The following SULF2 variants were observed in gnomAD, a reference collection of about 807,000 sequenced individuals.
SULF2 encodes extracellular sulfatase Sulf-2.
Under a neutral mutation model 107.7 loss-of-function variants are expected in SULF2, and 52 were observed. The ratio of observed to expected loss-of-function variants is 0.48; its 90% CI spans 0.39 to 0.61. The LOEUF (loss-of-function observed/expected upper bound fraction) is 0.61. SULF2 is among the 20% of genes least tolerant of loss of function. The pLI, the probability that SULF2 is intolerant of heterozygous loss-of-function variation, is 0.00. For missense variants in SULF2, 993 were observed against 1,177.3 expected (o/e 0.84, Z 2.29); for synonymous variants, 460 against 464.3 (o/e 0.99, Z 0.12).
chr20:47,761,254 A>C (rs757906185), intron 1 of SULF2, among the ~76,000 whole-genome samples: 1 of 152,142 alleles, frequency 6.6e-6, no homozygotes, highest in East Asian at 1.9e-4. Context: ...TCCTAAGGCC[A>C]CCCAGACAGA....
chr20:47,682,850 T>C (rs1351880514), intron 7 of SULF2, 144 bp downstream of exon 7: 4 of 773,570 alleles, frequency 5.2e-6, no homozygotes, highest in East Asian at 2.6e-5. Flanking sequence ...ATAACATGCA[T>C]GACATAATTG....
chr20:47,674,569 A>C (rs2087579028), intron 10 of SULF2, among the ~76,000 whole-genome samples: 4 of 152,242 alleles, frequency 2.6e-5, no homozygotes, highest in African/African-American at 9.6e-5. Flanking sequence ...GGCTTTGGCA[A>C]TGATGACATG....
rs1430753197 is a variant in SULF2, at chr20:47,666,096, C to T, written c.1806-143G>A. The T allele has an allele frequency of 3.1e-6, 5 of 1,611,202 alleles. No homozygotes were observed. The highest frequency in any genetic ancestry group is 1.7e-5 in the Admixed American group (1 of 59,882). On this transcript the variant is annotated intron_variant, in intron 12 of 20. Coordinates refer to ENST00000688720, the MANE Select transcript of SULF2 (RefSeq NM_001387048.1). This position sits in a 1 kb window ranked among gnomAD's most constrained non-coding sequence, Gnocchi z 5.4. ...TCCACCTGGACACTCACCGATGTGT[C>T]ACTTTAATGGGGTTGGCGGCTGAAT...
intron 3 of SULF2, among the ~76,000 whole-genome samples, chr20:47,704,180 C>G (rs1378314210): frequency 6.6e-6 from 1 of 152,136 alleles, no homozygotes; most frequent in African/African-American, 2.4e-5. Context: ...AGAAAATCAC[C>G]CTAATTCATC....
At chr20:47,725,579 TAGAA>T (rs548476888) in intron 3 of SULF2, among the ~76,000 whole-genome samples, 62 of 152,288 alleles carry the variant, frequency 4.1e-4, no homozygotes, top group African/African-American at 1.3e-3. Flanking sequence ...ACCACCAGCT[TAGAA>T]AGAAGTTTGC....
chr20:47,747,330 T>A (rs2090067019), intron 2 of SULF2, among the ~76,000 whole-genome samples: 1 of 152,182 alleles, frequency 6.6e-6, no homozygotes, highest in Non-Finnish European at 1.5e-5. Context: ...ACTGAGATTC[T>A]ATTAATAAGC....
At chr20:47,740,789 T>G (rs1421128551) in intron 2 of SULF2, among the ~76,000 whole-genome samples, 1 of 152,182 alleles carries the variant, frequency 6.6e-6, no homozygotes, top group Non-Finnish European at 1.5e-5. Context: ...TGACATCCCT[T>G]GATGTGTGGC....
chr20:47,667,781 C>T (rs765141053), intron 11 of SULF2, among the ~76,000 whole-genome samples: 1 of 152,152 alleles, frequency 6.6e-6, no homozygotes, highest in African/African-American at 2.4e-5. Context: ...CAAGTGACCC[C>T]GAGATGGTGA....
chr20:47,661,006 G>A (rs1430740377), intron 18 of SULF2, among the ~76,000 whole-genome samples: 2 of 152,138 alleles, frequency 1.3e-5, no homozygotes, highest in African/African-American at 4.8e-5. Flanking sequence ...CATCTTCGCT[G>A]TTTTCTCCCA....
intron 3 of SULF2, among the ~76,000 whole-genome samples, chr20:47,704,813 T>A (rs1401953703): frequency 1.3e-5 from 2 of 152,176 alleles, no homozygotes; most frequent in Admixed American, 1.3e-4. Flanking sequence ...CGTGAGTGCT[T>A]GGCCGAGAAG....
At chr20:47,705,722 C>T (rs1212795122) in intron 3 of SULF2, among the ~76,000 whole-genome samples, 1 of 152,020 alleles carries the variant, frequency 6.6e-6, no homozygotes, top group East Asian at 1.9e-4. Context: ...CGCCGACGCA[C>T]GTGACAGCCC....
intron 3 of SULF2, among the ~76,000 whole-genome samples, chr20:47,731,187 C>CTCTTTTTTTT (rs1186229502): frequency 4.9e-5 from 4 of 81,182 alleles, no homozygotes; most frequent in African/African-American, 1.9e-4. Flanking sequence ...TGTATCTTCT[C>CTCTTTTTTTT]TTTTTTTTTT....
intron 2 of SULF2, among the ~76,000 whole-genome samples, chr20:47,737,392 G>A (rs1339789434): frequency 2.0e-5 from 3 of 151,274 alleles, no homozygotes; most frequent in South Asian, 4.2e-4. Context: ...CAACCACCAT[G>A]TAAATTGAGG....
intron 3 of SULF2, among the ~76,000 whole-genome samples, chr20:47,719,415 T>G (rs545327766): frequency 6.6e-6 from 1 of 152,310 alleles, no homozygotes; most frequent in Non-Finnish European, 1.5e-5. Context: ...GCTGGTTGGA[T>G]GCAGACAGGA....
At chr20:47,753,594 G>A (rs1005166393) in intron 2 of SULF2, among the ~76,000 whole-genome samples, 1 of 152,228 alleles carries the variant, frequency 6.6e-6, no homozygotes, top group Admixed American at 6.5e-5. Flanking sequence ...ATGGGTATTG[G>A]TTTTTTCCTT....
chr20:47,714,926 A>AT (rs2089063760), intron 3 of SULF2, among the ~76,000 whole-genome samples: 1 of 151,658 alleles, frequency 6.6e-6, no homozygotes, highest in Non-Finnish European at 1.5e-5. Flanking sequence ...AAAGCTTTTA[A>AT]TTTTTTTCCA....
chr20:47,692,744 G>T (rs2088238463), intron 4 of SULF2, among the ~76,000 whole-genome samples: 1 of 152,174 alleles, frequency 6.6e-6, no homozygotes, highest in Non-Finnish European at 1.5e-5. Context: ...CAAAGTGTAG[G>T]TATTAAGGCA....
At chr20:47,740,679 T>A (rs1190250642) in intron 2 of SULF2, among the ~76,000 whole-genome samples, 1 of 152,138 alleles carries the variant, frequency 6.6e-6, no homozygotes, top group Non-Finnish European at 1.5e-5. Context: ...AGCCGATTTT[T>A]AAAAAGTAAA....
intron 3 of SULF2, among the ~76,000 whole-genome samples, chr20:47,724,679 G>T (rs2089389200): frequency 1.3e-5 from 2 of 152,152 alleles, no homozygotes; most frequent in South Asian, 4.1e-4. Context: ...TATCTGTCTT[G>T]TGCCTTTTAA....
Sources: gnomAD v4.1 joint callset for allele counts (sites outside exome capture counted in the v4.1 genomes callset) on GRCh38, gnomAD v4.1.1 for gene constraint, Gnocchi (gnomAD v3.1) non-coding constraint, MANE v1.5 for transcripts, NCBI Gene and HGNC (gene_info 2026-07-23, HGNC 2026-07-21) for gene names.